The following OPCML variants were observed in gnomAD, a reference collection of about 807,000 sequenced individuals.
OPCML encodes opioid binding protein/cell adhesion molecule like, also known as opioid-binding protein/cell adhesion molecule.
In OPCML, 13 loss-of-function variants were observed where a neutral mutation model predicts 37.8. The observed-to-expected ratio is 0.34, with a 90% CI of 0.22 to 0.55. The LOEUF (loss-of-function observed/expected upper bound fraction) is 0.55, where lower values mean the gene tolerates loss of function less well. Among genes scored for constraint, OPCML ranks in the 20% least tolerant of loss-of-function variants. OPCML has a pLI of 0.91. For missense variants in OPCML, 341 were observed against 435.6 expected, an observed-to-expected ratio of 0.78 and a Z score of 1.93; for synonymous variants, 176 against 168.8, an observed-to-expected ratio of 1.04 and a Z score of -0.33.
intron 1 of OPCML, chr11:133,026,371 T>C (rs1473175519): frequency 1.0e-6 from 1 of 984,634 alleles, no homozygotes; most frequent in Non-Finnish European, 1.2e-6. Context: ...TGAAGGGTGG[T>C]GGTCTGATTG....
At chr11:132,658,177 A>G (rs1238090058) in intron 2 of OPCML, among the ~76,000 whole-genome samples, 1 of 152,214 alleles carries the variant, frequency 6.6e-6, no homozygotes. Flanking sequence ...GAATGGAAGC[A>G]TGAGGAAACA....
chr11:133,154,936 G>A (rs1055581317), intron 1 of OPCML, among the ~76,000 whole-genome samples: 1 of 152,200 alleles, frequency 6.6e-6, no homozygotes, highest in Non-Finnish European at 1.5e-5. Context: ...ACCGTTGCTT[G>A]TGTCTTTCCA....
At chr11:132,867,716 G>A (rs772962414) in intron 2 of OPCML, among the ~76,000 whole-genome samples, 1 of 152,164 alleles carries the variant, frequency 6.6e-6, no homozygotes, top group Non-Finnish European at 1.5e-5. Context: ...ACTACTTCTT[G>A]CCCTTAACTT....
At chr11:133,291,390 C>T (rs1942468837) in intron 1 of OPCML, among the ~76,000 whole-genome samples, 1 of 152,172 alleles carries the variant, frequency 6.6e-6, no homozygotes, top group Non-Finnish European at 1.5e-5. Flanking sequence ...GTCCACTGCA[C>T]CAGCATCCAG....
intron 2 of OPCML, among the ~76,000 whole-genome samples, chr11:132,802,662 G>A (rs969132611): frequency 3.9e-5 from 6 of 152,096 alleles, no homozygotes; most frequent in African/African-American, 7.2e-5. Context: ...TTCACTGGAC[G>A]ACTCTAGGCA....
chr11:133,003,876 C>G, intron 1 of OPCML: 5 of 985,408 alleles, frequency 5.1e-6, no homozygotes, highest in Non-Finnish European at 6.0e-6. Context: ...GCCCTCGACC[C>G]CTTTTGACAG....
intron 2 of OPCML, among the ~76,000 whole-genome samples, chr11:132,942,306 T>G (rs1294212510): frequency 6.6e-6 from 1 of 152,136 alleles, no homozygotes; most frequent in Admixed American, 6.5e-5. Context: ...CACACAGAAG[T>G]GATGTTGTTG....
At chr11:133,101,001 T>G (rs1949077551) in intron 1 of OPCML, among the ~76,000 whole-genome samples, 1 of 152,182 alleles carries the variant, frequency 6.6e-6, no homozygotes, top group Non-Finnish European at 1.5e-5. Context: ...CTCGGCTCAC[T>G]GCAACCTCCG....
chr11:132,521,584 A>G (rs1204286971), intron 4 of OPCML, among the ~76,000 whole-genome samples: 1 of 152,012 alleles, frequency 6.6e-6, no homozygotes, highest in African/African-American at 2.4e-5. Context: ...AGGGAGGAGA[A>G]CAATACACAC....
At chr11:133,015,345 G>C (rs1182616610) in intron 1 of OPCML, among the ~76,000 whole-genome samples, 2 of 138,338 alleles carry the variant, frequency 1.4e-5, no homozygotes, top group South Asian at 5.3e-4. Flanking sequence ...GGAAGGGAGG[G>C]AGGGAGGGAG....
chr11:132,708,515 C>T (rs1382820764), intron 2 of OPCML, among the ~76,000 whole-genome samples: 1 of 152,158 alleles, frequency 6.6e-6, no homozygotes, highest in Non-Finnish European at 1.5e-5. Context: ...TTATACTCAG[C>T]TATAATCAAA....
chr11:132,799,734 TA>T (rs559551643), intron 2 of OPCML, among the ~76,000 whole-genome samples: 59 of 145,656 alleles, frequency 4.1e-4, no homozygotes, highest in Middle Eastern at 3.5e-3. Context: ...CTTCTACTTG[TA>T]AAAAAAAAAA....
intron 2 of OPCML, among the ~76,000 whole-genome samples, chr11:132,789,181 G>A (rs569969062): frequency 5.3e-5 from 8 of 152,068 alleles, no homozygotes; most frequent in Admixed American, 1.3e-4. Context: ...TTTATTATAC[G>A]TTGACTTCTC....
At chr11:133,429,371 G>T (rs1170166838) in intron 1 of OPCML, among the ~76,000 whole-genome samples, 1 of 152,150 alleles carries the variant, frequency 6.6e-6, no homozygotes, top group African/African-American at 2.4e-5. Context: ...CTGGGGATTG[G>T]ATCATATAGT....
chr11:133,226,225 C>T (rs1463186055), intron 1 of OPCML, among the ~76,000 whole-genome samples: 2 of 152,294 alleles, frequency 1.3e-5, no homozygotes, highest in East Asian at 1.9e-4. Flanking sequence ...ACTCCCCCTC[C>T]TGCCCCTTGG....
chr11:132,543,184 G>A (rs1029062196), intron 3 of OPCML, among the ~76,000 whole-genome samples: 4 of 152,148 alleles, frequency 2.6e-5, no homozygotes, highest in Non-Finnish European at 4.4e-5. Context: ...GTGAATAAAT[G>A]ATATGATAAA....
chr11:132,491,875 A>C (rs1230996269), intron 4 of OPCML, among the ~76,000 whole-genome samples: 1 of 151,422 alleles, frequency 6.6e-6, no homozygotes, highest in African/African-American at 2.4e-5. Flanking sequence ...AAACTTGGAG[A>C]TATCGTAGGA....
chr11:133,292,153 T>C (rs1375410065), intron 1 of OPCML, among the ~76,000 whole-genome samples: 1 of 152,148 alleles, frequency 6.6e-6, no homozygotes, highest in Non-Finnish European at 1.5e-5. Context: ...AAGGGCCCTT[T>C]CCATCTTTAA....
intron 2 of OPCML, among the ~76,000 whole-genome samples, chr11:132,750,348 A>G (rs560511593): frequency 1.4e-4 from 22 of 152,348 alleles, no homozygotes; most frequent in Admixed American, 7.8e-4. Flanking sequence ...AAATAGTCCA[A>G]TAGAAAAAGA....
Sources: allele counts gnomAD v4.1 joint callset (sites outside exome capture counted in the v4.1 genomes callset), GRCh38; gene constraint gnomAD v4.1.1; transcripts MANE v1.5; gene names NCBI Gene and HGNC (gene_info 2026-07-23, HGNC 2026-07-21).